TECTA: variants seen among roughly 807,000 people sequenced by gnomAD.
The protein encoded by TECTA is alpha-tectorin.
A neutral mutation model predicts 216.8 loss-of-function variants in TECTA; 128 were observed. The ratio of observed to expected loss-of-function variants is 0.59; its 90% confidence interval spans 0.51 to 0.68. The LOEUF (loss-of-function observed/expected upper bound fraction) is 0.68, where lower values mean the gene tolerates loss of function less well. TECTA is among the 30% of genes least tolerant of loss of function. The probability of loss-of-function intolerance (pLI) is 0.00; values close to 1 mark genes in which losing one functional copy is unlikely to be tolerated. For missense variants in TECTA, 2,551 were observed against 2,786.2 expected (o/e 0.92, Z 1.90); for synonymous variants, 1,089 against 1,117.1 (o/e 0.97, Z 0.50).
intron 2 of TECTA, among the ~76,000 whole-genome samples, chr11:121,104,093 A>G (rs1315826888): frequency 6.6e-6 from 1 of 152,162 alleles, no homozygotes; most frequent in African/African-American, 2.4e-5. Flanking sequence ...CATACAGATG[A>G]TGATAATTCA....
chr11:121,105,850 G>A lies in TECTA; in HGVS notation c.84G>A (p.Met28Ile). ...TGACAGCTCAGCCCAGGGAGCTCAT[G>A]TATCCATTTTGGCAGAATGACACCA... ...VQHQAQPREL[M>I]YPFWQNDTKT... Residue 28 changes from methionine (M) to isoleucine (I), a missense_variant, in exon 3 of 24, where the codon ATG (methionine) becomes ATA (isoleucine). By Grantham distance (10) the Met-to-Ile change is conservative (BLOSUM62 1). Coordinates refer to ENST00000392793, the MANE Select transcript of TECTA (RefSeq NM_005422.4). The surrounding 1 kb of genome is among the most constrained non-coding windows in gnomAD (Gnocchi z 5.3). The A allele has an allele frequency of 1.9e-6, 3 of 1,614,192 alleles. No homozygotes were observed. Among genetic ancestry groups the A allele is most frequent in the Middle Eastern group, 1.6e-4 (1 of 6,062 alleles).
At chr11:121,146,965 T>C (rs935410680) in intron 12 of TECTA, among the ~76,000 whole-genome samples, 1 of 152,194 alleles carries the variant, frequency 6.6e-6, no homozygotes, top group Non-Finnish European at 1.5e-5. Flanking sequence ...AGTGGCAAAG[T>C]CAGGACTTGA....
chr11:121,115,655 G>T (rs545765213), intron 6 of TECTA, among the ~76,000 whole-genome samples: 19 of 152,184 alleles, frequency 1.2e-4, no homozygotes, highest in South Asian at 2.1e-4. Context: ...TGTTGTTGTT[G>T]TTTTTTGTTT....
chr11:121,173,206 T>C (rs541833232), intron 20 of TECTA, among the ~76,000 whole-genome samples: 1 of 151,718 alleles, frequency 6.6e-6, no homozygotes, highest in East Asian at 1.9e-4. Context: ...AGATCCCATT[T>C]GTCAATTTTG....
At chr11:121,155,727 G>T (rs1051745437) in intron 13 of TECTA, among the ~76,000 whole-genome samples, 2 of 152,190 alleles carry the variant, frequency 1.3e-5, no homozygotes, top group Admixed American at 6.5e-5. Context: ...AGTCGATAAT[G>T]CATTGAGTGC....
chr11:121,143,863 G>C (rs1175582269), intron 11 of TECTA, among the ~76,000 whole-genome samples: 1 of 152,240 alleles, frequency 6.6e-6, no homozygotes, highest in African/African-American at 2.4e-5. Context: ...CCAAGGTGCA[G>C]ACCAGCTTTA....
chr11:121,108,755 TACAC>T (rs371308675), intron 3 of TECTA, among the ~76,000 whole-genome samples: 1 of 141,456 alleles, frequency 7.1e-6, no homozygotes, highest in Non-Finnish European at 1.5e-5. Flanking sequence ...CTCACCCCAG[TACAC>T]ACACACACAC....
chr11:121,189,792 G>A lies in TECTA; in HGVS notation c.6279G>A (p.Gly2093=), dbSNP rs753811382. ...TGGACTGGTGTGAGGACAATGGAGG[G>A]TGTGAGCAGATTTGCACGAGCCGGG... The part of the protein sequence containing the change: ...KRLDWCEDNG[G]CEQICTSRVD... The change falls in exon 23 of 24, where the codon GGG becomes GGA. Residue 2093 remains glycine (G), a synonymous_variant. Coordinates refer to ENST00000392793, the MANE Select transcript of TECTA (RefSeq NM_005422.4). 3 of 1,614,058 alleles carry A rather than the reference G, an allele frequency of 1.9e-6. No homozygotes were observed. Among genetic ancestry groups the A allele is most frequent in the Middle Eastern group, 1.7e-4 (1 of 6,022 alleles).
In TECTA at chr11:121,129,995, C is replaced by T. The variant is rs139132568; in HGVS notation, c.2725C>T (p.Arg909Cys). The T allele has an allele frequency of 1.0e-4, 165 of 1,605,918 alleles. No homozygotes were observed. The Middle Eastern group carries it at 3.1e-3, about 31-fold the overall frequency. ...GGAGCTGCTCAAGTTTTATCGAAGC[C>T]GCTCCAGGTGCGGCATCATCAACGA... ...DSELLKFYRSRSRCGIINDPS... is the reference protein window; with the variant it reads ...DSELLKFYRSCSRCGIINDPS... Residue 909 changes from arginine to cysteine, a missense_variant, in exon 10 of 24, where the codon CGC (arginine) becomes TGC (cysteine). Around this residue, in one of 3 missense-constraint regions of TECTA, gnomAD observed 2,375 missense variants for 2,563.9 expected, o/e 0.93. Coordinates refer to ENST00000392793, the MANE Select transcript of TECTA (RefSeq NM_005422.4).
rs761205163 is a variant in TECTA, at chr11:121,165,371, C to G, written c.5371C>G (p.Pro1791Ala). ...GCTGTGTGGCTGCATCGAGCCACCC[C>G]CCTATGGAAATAGTGAGTGACATGG... is the stretch of plus-strand genomic sequence containing the variant. ...RELCGCIEPP[P>A]YGNNSHDIID... Residue 1791 changes from proline to alanine, a missense_variant, in exon 17 of 24, where the codon CCC (proline) becomes GCC (alanine). Around this residue, in one of 3 missense-constraint regions of TECTA, gnomAD observed 2,375 missense variants for 2,563.9 expected, o/e 0.93. Transcript: ENST00000392793. 2.0e-5 allele frequency: 32 copies of G among 1,589,776 alleles called. No individual in the cohort carries two copies. Among genetic ancestry groups the G allele is most frequent in the Non-Finnish European group, 2.7e-5 (32 of 1,167,528 alleles).
chr11:121,127,661 A>G lies in TECTA; in HGVS notation c.1775-91A>G. On this transcript the variant is annotated intron_variant, in intron 8 of 23. Transcript: ENST00000392793. The surrounding 1 kb of genome is among the most constrained non-coding windows in gnomAD (Gnocchi z 5.0). ...CCGCTTGACCCTCACTCTAGGAACT[A>G]AATGATCCAGGAGGAGCGTTAAGAT... 6.8e-7 allele frequency: 1 copy of G among 1,472,134 alleles called. No homozygotes were observed. The highest frequency in any genetic ancestry group is 1.4e-5 in the African/African-American group (1 of 72,276). 91.2% of individuals were successfully genotyped at this position (1,472,134 alleles called of 1,614,324 possible).
At position 121,162,108 on chromosome 11, in the gene TECTA, C is replaced by G; in HGVS notation, c.5010C>G (p.Phe1670Leu). The G allele has an allele frequency of 6.2e-7, 1 of 1,614,178 alleles. No homozygotes were observed. ...CCCCCAGCTGCAACGAGCTGCAGTTCTCACAGTATGCAGCCATGTGTGACA... is the reference window on the plus strand; with the variant it reads ...CCCCCAGCTGCAACGAGCTGCAGTTGTCACAGTATGCAGCCATGTGTGACA... Reference protein sequence around the residue: ...PLAPSCNELQFSQYAAMCDNV... With the variant: ...PLAPSCNELQLSQYAAMCDNV... The change falls in exon 16 of 24, where the codon TTC becomes TTG. Residue 1670 changes from phenylalanine to leucine, a missense_variant. By Grantham distance (22) the Phe-to-Leu change is conservative. Transcript: ENST00000392793.
chr11:121,181,474 G>A (rs10400319), intron 20 of TECTA, among the ~76,000 whole-genome samples: 1 of 136,324 alleles, frequency 7.3e-6, no homozygotes, highest in Non-Finnish European at 1.6e-5. Context: ...TTATTATTAT[G>A]ATTTTATTTT....
At chr11:121,122,383 G>T (rs1432828416) in intron 7 of TECTA, among the ~76,000 whole-genome samples, 3 of 152,092 alleles carry the variant, frequency 2.0e-5, no homozygotes, top group Non-Finnish European at 4.4e-5. Flanking sequence ...GAATCTGCTA[G>T]CCCCCTGACC....
intron 10 of TECTA, among the ~76,000 whole-genome samples, chr11:121,134,593 C>G (rs896915025): frequency 1.3e-5 from 2 of 151,782 alleles, no homozygotes; most frequent in Non-Finnish European, 2.9e-5. Flanking sequence ...TTTCATCCAC[C>G]TCCCTATATC....
Position 121,168,942 on chromosome 11 carries a change from T to C in TECTA, c.5999+17T>C, listed in dbSNP as rs1386395436. On this transcript the variant is annotated intron_variant, in intron 20 of 23. Coordinates refer to ENST00000392793, the MANE Select transcript of TECTA (RefSeq NM_005422.4). ...TGAAGGAGGGTGAGTAGCCTCTTTA[T>C]AGACAACATTCTCAGAGCTTCAGGT... 13 of 1,614,066 alleles carry C rather than the reference T, an allele frequency of 8.1e-6. No individual in the cohort carries two copies. Among genetic ancestry groups the C allele is most frequent in the Non-Finnish European group, 9.3e-6 (11 of 1,179,964 alleles).
intron 3 of TECTA, among the ~76,000 whole-genome samples, chr11:121,106,857 C>T (rs1946395470): frequency 6.6e-6 from 1 of 152,190 alleles, no homozygotes; most frequent in African/African-American, 2.4e-5. Flanking sequence ...GTCACACAGG[C>T]ACTCATTAGC....
chr11:121,152,366 G>C (rs1025129452), intron 12 of TECTA, among the ~76,000 whole-genome samples: 13 of 152,238 alleles, frequency 8.5e-5, no homozygotes, highest in African/African-American at 3.1e-4. Context: ...GAAGCTCTGG[G>C]GTGTAGAGGA....
intron 13 of TECTA, among the ~76,000 whole-genome samples, chr11:121,154,949 A>G (rs1946926489): frequency 6.6e-6 from 1 of 152,246 alleles, no homozygotes; most frequent in African/African-American, 2.4e-5. Flanking sequence ...AAGCATGGTC[A>G]GCTCTTGGCT....
Sources: gnomAD v4.1 joint callset for allele counts (sites outside exome capture counted in the v4.1 genomes callset) on GRCh38, gnomAD v4.1.1 for gene constraint, gnomAD v4.1.1 regional missense constraint, Gnocchi (gnomAD v3.1) non-coding constraint, MANE v1.5 for transcripts, NCBI Gene and HGNC (gene_info 2026-07-23, HGNC 2026-07-21) for gene names.